Variants in SSPN observed in about 807,000 individuals in gnomAD.
The protein encoded by SSPN is sarcospan.
SSPN carries 15 observed loss-of-function variants against 19.1 expected under a neutral mutation model. The observed-to-expected ratio is 0.78, with a 90% CI of 0.52 to 1.21. The LOEUF (loss-of-function observed/expected upper bound fraction) is 1.21, where lower values mean the gene tolerates loss of function less well. Ranked by LOEUF, SSPN falls within the 50% of genes most tolerant of loss-of-function variation. The probability of loss-of-function intolerance (pLI) is 0.00; values close to 1 mark genes in which losing one functional copy is unlikely to be tolerated. For synonymous variants in SSPN, 147 were observed against 140.3 expected, an observed-to-expected ratio of 1.05 and a Z score of -0.34; for missense variants, 291 against 314.0, an observed-to-expected ratio of 0.93 and a Z score of 0.55.
intron 1 of SSPN, among the ~76,000 whole-genome samples, chr12:26,179,064 C>T (rs1944702353): frequency 6.6e-6 from 1 of 152,048 alleles, no homozygotes; most frequent in African/African-American, 2.4e-5. Context: ...AAAGTTGAAG[C>T]CCTGGGAAAG....
chr12:26,131,610 G>A (rs1468918836), intron 1 of SSPN, among the ~76,000 whole-genome samples: 1 of 152,190 alleles, frequency 6.6e-6, no homozygotes, highest in Non-Finnish European at 1.5e-5. Flanking sequence ...GTTGGGTTCT[G>A]GAATAAATGA....
intron 1 of SSPN, among the ~76,000 whole-genome samples, chr12:26,223,766 A>G (rs953492337): frequency 1.2e-4 from 19 of 152,354 alleles, no homozygotes; most frequent in African/African-American, 4.6e-4. Context: ...GAGGAATACA[A>G]TATAAAGCCC....
chr12:26,216,004 C>G (rs905351136), intron 1 of SSPN, among the ~76,000 whole-genome samples: 3 of 152,150 alleles, frequency 2.0e-5, no homozygotes, highest in Non-Finnish European at 4.4e-5. Flanking sequence ...TTTTCTCTCC[C>G]TTGAAAAATG....
intron 1 of SSPN, among the ~76,000 whole-genome samples, chr12:26,188,328 A>T (rs1454743818): frequency 6.6e-6 from 1 of 152,240 alleles, no homozygotes; most frequent in Admixed American, 6.5e-5. Context: ...AGATGTCTTT[A>T]AAGGTGGTGA....
intron 1 of SSPN, among the ~76,000 whole-genome samples, chr12:26,141,400 C>G (rs1054310178): frequency 1.2e-4 from 19 of 152,096 alleles, no homozygotes; most frequent in African/African-American, 4.3e-4. Flanking sequence ...TGAGTTTAGC[C>G]CAATGAGAAC....
At chr12:26,161,987 G>A (rs1228492635) in intron 1 of SSPN, among the ~76,000 whole-genome samples, 2 of 152,138 alleles carry the variant, frequency 1.3e-5, no homozygotes, top group African/African-American at 4.8e-5. Flanking sequence ...CGTGGCCCGG[G>A]GGTTGGGGAC....
At chr12:26,148,546 G>A (rs1377761875) in intron 1 of SSPN, among the ~76,000 whole-genome samples, 3 of 152,168 alleles carry the variant, frequency 2.0e-5, no homozygotes, top group South Asian at 2.1e-4. Context: ...GCTTGGAGCA[G>A]GCCGTGATTC....
chr12:26,217,142 T>C (rs1375553324), intron 1 of SSPN, among the ~76,000 whole-genome samples: 1,335 of 131,766 alleles, frequency 0.01, 19 homozygotes, highest in African/African-American at 0.036. Context: ...GGGGATGGCA[T>C]TGAATCTGTA....
intron 1 of SSPN, chr12:26,125,182 C>T (rs1944353589): frequency 3.0e-6 from 1 of 338,938 alleles, no homozygotes; most frequent in Non-Finnish European, 5.7e-6. Context: ...AGAAGGCGAA[C>T]GGCAGGAGGG....
chr12:26,123,196 G>T (rs1341396553), intron 1 of SSPN: 4 of 1,554,384 alleles, frequency 2.6e-6, no homozygotes, highest in Non-Finnish European at 2.6e-6. Context: ...TGGGGGTGGG[G>T]GACGGAGGAG....
At chr12:26,128,901 C>T (rs1459597336) in intron 1 of SSPN, among the ~76,000 whole-genome samples, 1 of 152,182 alleles carries the variant, frequency 6.6e-6, no homozygotes. Context: ...AATTCTCCCC[C>T]CTGCCTAAAT....
At chr12:26,176,927 T>A (rs1057187612) in intron 1 of SSPN, among the ~76,000 whole-genome samples, 1 of 152,248 alleles carries the variant, frequency 6.6e-6, no homozygotes. Flanking sequence ...TTTCAAAATA[T>A]AAATCCAAAC....
intron 1 of SSPN, among the ~76,000 whole-genome samples, chr12:26,130,447 C>A (rs1411051157): frequency 6.6e-6 from 1 of 152,034 alleles, no homozygotes; most frequent in Non-Finnish European, 1.5e-5. Context: ...TTTAAAAAAA[C>A]AACAACAGAA....
chr12:26,188,708 T>G (rs1374626451), intron 1 of SSPN, among the ~76,000 whole-genome samples: 1 of 152,222 alleles, frequency 6.6e-6, no homozygotes, highest in Non-Finnish European at 1.5e-5. Context: ...TTATAAATAT[T>G]TATTAAAGCC....
At chr12:26,122,501 C>A in intron 1 of SSPN, 1 of 1,311,512 alleles carries the variant, frequency 7.6e-7, no homozygotes. Context: ...CCGCGGGCTG[C>A]GGGAAGGGCG....
In SSPN at chr12:26,168,019, G is replaced by C. The variant is rs377329839; in HGVS notation, c.-31+45867G>C. 3.9e-5 allele frequency among the ~76,000 whole-genome samples: 6 copies of C among 151,926 alleles called. No individual in the cohort carries two copies. The South Asian group carries it at 6.2e-4, about 16-fold the overall frequency. On this transcript the variant is annotated intron_variant, in intron 1 of 2. Coordinates refer to the SSPN transcript ENST00000538142. ...GCTTGAGTCTGGTAGTTTGAGACCA[G>C]CCTGGGCAATGTGGTGAAACCCCAT...
intron 1 of SSPN, among the ~76,000 whole-genome samples, chr12:26,212,849 T>C (rs1184041443): frequency 6.6e-6 from 1 of 151,890 alleles, no homozygotes; most frequent in African/African-American, 2.4e-5. Context: ...TTAGATAAAA[T>C]GAAGAAAAAA....
At chr12:26,194,533 G>A (rs899217396), upstream of SSPN, among the ~76,000 whole-genome samples, 2 of 152,188 alleles carry the variant, frequency 1.3e-5, no homozygotes, top group Non-Finnish European at 2.9e-5. Flanking sequence ...CTACAGGTGC[G>A]TGCCACCACG....
intron 1 of SSPN, among the ~76,000 whole-genome samples, chr12:26,160,917 G>A (rs1944584165): frequency 6.6e-6 from 1 of 151,868 alleles, no homozygotes; most frequent in African/African-American, 2.4e-5. Context: ...AGACCAGCCT[G>A]GCCAGCATGG....
Sources: gnomAD v4.1 joint callset for allele counts (sites outside exome capture counted in the v4.1 genomes callset) on GRCh38, gnomAD v4.1.1 for gene constraint, MANE v1.5 for transcripts, NCBI Gene and HGNC (gene_info 2026-07-23, HGNC 2026-07-21) for gene names.